Variants in KCNIP3 observed in about 807,000 individuals in gnomAD.
KCNIP3 encodes the protein potassium voltage-gated channel interacting protein 3.
A neutral mutation model predicts 35.0 loss-of-function variants in KCNIP3; 28 were observed. The observed-to-expected ratio is 0.80, with a 90% confidence interval of 0.59 to 1.10. The LOEUF (loss-of-function observed/expected upper bound fraction) is 1.10, where lower values mean the gene tolerates loss of function less well. Among genes scored for constraint, KCNIP3 ranks in the 50% least tolerant of loss-of-function variants. The pLI, the probability that KCNIP3 is intolerant of heterozygous loss-of-function variation, is 0.00. For synonymous variants in KCNIP3, 134 were observed against 133.8 expected, an observed-to-expected ratio of 1.00 and a Z score of -0.01; for missense variants, 295 against 338.4, an observed-to-expected ratio of 0.87 and a Z score of 1.01.
intron 2 of KCNIP3, among the ~76,000 whole-genome samples, chr2:95,329,220 G>C (rs1010410980): frequency 0.015 from 2 of 134 alleles, no homozygotes; most frequent in African/African-American, 0.1. Context: ...GGCTCCCAGC[G>C]CGGGCCAAGC....
At chr2:95,301,882 T>C (rs1319310313) in intron 1 of KCNIP3, among the ~76,000 whole-genome samples, 1 of 151,576 alleles carries the variant, frequency 6.6e-6, no homozygotes, top group African/African-American at 2.4e-5. Flanking sequence ...GTGTGCGCGC[T>C]CATAGGTGTG....
chr2:95,361,707 C>T (rs1331405373), intron 2 of KCNIP3, among the ~76,000 whole-genome samples: 2 of 152,194 alleles, frequency 1.3e-5, no homozygotes, highest in East Asian at 3.8e-4. Flanking sequence ...CGCCAGTACT[C>T]CATAAACTCA....
At chr2:95,324,779 C>T (rs543798466) in intron 2 of KCNIP3, among the ~76,000 whole-genome samples, 4 of 151,360 alleles carry the variant, frequency 2.6e-5, no homozygotes, top group African/African-American at 7.2e-5. Context: ...GGCGTAGTGG[C>T]GGGCGCCTGT....
At chr2:95,309,644 G>A (rs1438971898) in intron 1 of KCNIP3, among the ~76,000 whole-genome samples, 3 of 152,038 alleles carry the variant, frequency 2.0e-5, no homozygotes, top group East Asian at 1.9e-4. Flanking sequence ...GGCTGGTCTC[G>A]AACTCCTGAC....
chr2:95,308,770 C>G (rs1307683273), intron 1 of KCNIP3, among the ~76,000 whole-genome samples: 1 of 152,194 alleles, frequency 6.6e-6, no homozygotes, highest in Admixed American at 6.5e-5. Context: ...TCCCTGCTGC[C>G]AATTCTTCCA....
intron 2 of KCNIP3, among the ~76,000 whole-genome samples, chr2:95,332,709 C>A (rs1393036459): frequency 1.3e-5 from 2 of 152,196 alleles, no homozygotes. Flanking sequence ...TACACAAATT[C>A]TTTCACTACA....
chr2:95,363,918 C>T (rs1679858896), intron 2 of KCNIP3, among the ~76,000 whole-genome samples: 1 of 152,178 alleles, frequency 6.6e-6, no homozygotes, highest in South Asian at 2.1e-4. Flanking sequence ...ACTGAACTCT[C>T]CTGTCTGTTG....
intron 2 of KCNIP3, among the ~76,000 whole-genome samples, chr2:95,351,983 C>T (rs932682060): frequency 5.9e-5 from 9 of 152,050 alleles, no homozygotes; most frequent in African/African-American, 1.7e-4. Flanking sequence ...GTGGGACAGG[C>T]CAGGTGCGGT....
Position 95,382,363 on chromosome 2 carries a change from G to T in KCNIP3, c.556-14G>T. On this transcript the variant is annotated splice_polypyrimidine_tract_variant and intron_variant, in intron 6 of 8. Transcript: ENST00000295225. The surrounding 1 kb of genome is among the most constrained non-coding windows in gnomAD (Gnocchi z 4.5). Reference sequence around the variant, plus strand: ...CCGGCCTTGCAGCAGGCTCATGCCAGCCTCCCCCTCCAGGAGATGCTGGCC... The same window carrying T: ...CCGGCCTTGCAGCAGGCTCATGCCATCCTCCCCCTCCAGGAGATGCTGGCC... 1 of 1,554,600 alleles carries T rather than the reference G, an allele frequency of 6.4e-7. No homozygotes were observed. The highest frequency in any genetic ancestry group is 8.7e-7 in the Non-Finnish European group (1 of 1,148,196).
intron 2 of KCNIP3, among the ~76,000 whole-genome samples, chr2:95,333,139 A>G (rs1428092542): frequency 6.6e-6 from 1 of 152,186 alleles, no homozygotes; most frequent in Non-Finnish European, 1.5e-5. Flanking sequence ...GTTGTTATAG[A>G]GAAAACAAAA....
intron 2 of KCNIP3, chr2:95,368,419 G>A (rs1679966771): frequency 6.2e-6 from 1 of 161,292 alleles, no homozygotes; most frequent in African/African-American, 2.4e-5. Flanking sequence ...CTATAAATTG[G>A]GTTGAGCATA....
chr2:95,377,172 G>T lies in KCNIP3; in HGVS notation c.447+1964G>T, dbSNP rs1050443981. 1.3e-5 allele frequency among the ~76,000 whole-genome samples: 2 copies of T among 152,180 alleles called. No individual in the cohort carries two copies. Among genetic ancestry groups the T allele is most frequent in the Non-Finnish European group, 2.9e-5 (2 of 68,040 alleles). On this transcript the variant is annotated intron_variant, in intron 5 of 8. Transcript: ENST00000295225. The surrounding 1 kb of genome is among the most constrained non-coding windows in gnomAD (Gnocchi z 4.7). ...ATTTGCTGAACGCTCTGGCCACCAG[G>T]GCCTTTCTCGTGCAACTCATCTGGC...
At chr2:95,383,501 C>T (rs1680402478) in intron 8 of KCNIP3, among the ~76,000 whole-genome samples, 1 of 151,034 alleles carries the variant, frequency 6.6e-6, no homozygotes, top group African/African-American at 2.4e-5. Context: ...CCCACCCCTG[C>T]AGCCCACAGC....
intron 2 of KCNIP3, among the ~76,000 whole-genome samples, chr2:95,324,382 C>T (rs990525538): frequency 4.0e-5 from 6 of 150,024 alleles, no homozygotes; most frequent in Admixed American, 1.3e-4. Context: ...GGCGTGGTGG[C>T]GGGCGCCTGT....
At chr2:95,326,381 CACAT>C (rs1194255839) in intron 2 of KCNIP3, among the ~76,000 whole-genome samples, 1 of 152,192 alleles carries the variant, frequency 6.6e-6, no homozygotes, top group Non-Finnish European at 1.5e-5. Flanking sequence ...CACTCACACT[CACAT>C]ACACATACAT....
At chr2:95,312,245 G>C (rs1241887639) in intron 2 of KCNIP3, 1 of 152,358 alleles carries the variant, frequency 6.6e-6, no homozygotes, top group Non-Finnish European at 1.5e-5. Context: ...GGTGGCTCAG[G>C]ACGGGTGGGG....
In KCNIP3 at chr2:95,323,945, C is replaced by T. The variant is rs541432803; in HGVS notation, c.181+13425C>T. 1.7e-4 allele frequency among the ~76,000 whole-genome samples: 26 copies of T among 152,286 alleles called. No individual in the cohort carries two copies. In the East Asian group the frequency reaches 2.7e-3, roughly 16 times the overall value. On this transcript the variant is annotated intron_variant, in intron 2 of 8. Coordinates refer to ENST00000295225, the MANE Select transcript of KCNIP3 (RefSeq NM_013434.5). ...GGGGAGGGGAGGGCTGCCAGGGCCA[C>T]GTGCAGGGCTTCTGACTGCAGGTGC...
At chr2:95,333,237 C>T (rs1234223156) in intron 2 of KCNIP3, among the ~76,000 whole-genome samples, 2 of 152,264 alleles carry the variant, frequency 1.3e-5, no homozygotes, top group African/African-American at 4.8e-5. Context: ...TCTGCCTGCA[C>T]CTCTAGAGTG....
rs1321311944 is a variant in KCNIP3 at position 95,382,974 on chromosome 2, A to G, written c.661-258A>G. Among the ~76,000 whole-genome samples the G allele has an allele frequency of 1.3e-5, 2 of 152,166 alleles. No individual in the cohort carries two copies. The highest frequency in any genetic ancestry group is 2.4e-5 in the African/African-American group (1 of 41,448). On this transcript the variant is annotated intron_variant, in intron 7 of 8. Coordinates refer to ENST00000295225, the MANE Select transcript of KCNIP3 (RefSeq NM_013434.5). The surrounding 1 kb of genome is among the most constrained non-coding windows in gnomAD (Gnocchi z 4.5). Reference sequence around the variant, plus strand: ...AAATTCTGGGAAACCCAAGCCCAGGAGGGCTCAGGGAATTGGCCTAGGGGA... The same window carrying G: ...AAATTCTGGGAAACCCAAGCCCAGGGGGGCTCAGGGAATTGGCCTAGGGGA...
Sources: gnomAD v4.1 joint callset for allele counts (sites outside exome capture counted in the v4.1 genomes callset) on GRCh38, gnomAD v4.1.1 for gene constraint, Gnocchi (gnomAD v3.1) non-coding constraint, MANE v1.5 for transcripts, NCBI Gene and HGNC (gene_info 2026-07-23, HGNC 2026-07-21) for gene names.